Variants in SLC35D2 observed in about 807,000 individuals in gnomAD.
The protein encoded by SLC35D2 is solute carrier family 35 member D2.
Under a neutral mutation model 41.8 loss-of-function variants are expected in SLC35D2, and 43 were observed. The observed-to-expected ratio is 1.03, with a 90% CI of 0.81 to 1.33. The LOEUF is 1.33. SLC35D2 is among the 40% of genes most tolerant of loss of function. The pLI, the probability that SLC35D2 is intolerant of heterozygous loss-of-function variation, is 0.00. For missense variants in SLC35D2, 380 were observed against 408.4 expected (o/e 0.93, Z 0.60); for synonymous variants, 150 against 163.9 (o/e 0.92, Z 0.65).
rs561654342 is a variant in SLC35D2 at position 96,350,031 on chromosome 9, G to A, written c.488+1072C>T. Among the ~76,000 whole-genome samples, 3 of 152,282 alleles carry A rather than the reference G, an allele frequency of 2.0e-5. No homozygotes were observed. The East Asian group carries it at 5.8e-4, about 29-fold the overall frequency. On this transcript the variant is annotated intron_variant, in intron 6 of 11. Transcript: ENST00000253270. Reference sequence around the variant, plus strand: ...CCCTATACCTGCGGTGTGAATTGGAGCACTGAGACCCCAGAGCCAGCTTTC... The same window carrying A: ...CCCTATACCTGCGGTGTGAATTGGAACACTGAGACCCCAGAGCCAGCTTTC...
intron 10 of SLC35D2, among the ~76,000 whole-genome samples, chr9:96,323,665 G>A (rs10820362): frequency 0.043 from 6,607 of 152,160 alleles, 202 homozygotes; most frequent in Non-Finnish European, 0.066. Context: ...GGTGGCTCAC[G>A]CCTGTAATCC....
chr9:96,318,368 G>T (rs1828108244), downstream of SLC35D2, among the ~76,000 whole-genome samples: 1 of 150,924 alleles, frequency 6.6e-6, no homozygotes, highest in African/African-American at 2.4e-5. Flanking sequence ...TGAGGTGGGA[G>T]GATCGCTTGA....
At chr9:96,343,542 CAAAT>C (rs1774777793) in intron 8 of SLC35D2, among the ~76,000 whole-genome samples, 1 of 152,182 alleles carries the variant, frequency 6.6e-6, no homozygotes, top group Admixed American at 6.5e-5. Flanking sequence ...TAGAAAGTAA[CAAAT>C]AAATAAACAA....
At chr9:96,346,436 C>G (rs1476010997) in intron 6 of SLC35D2, among the ~76,000 whole-genome samples, 1 of 152,092 alleles carries the variant, frequency 6.6e-6, no homozygotes, top group African/African-American at 2.4e-5. Flanking sequence ...CAGGGCCGAC[C>G]CTCCGTCCAG....
At chr9:96,382,781 TG>T (rs1007324469) in intron 1 of SLC35D2, among the ~76,000 whole-genome samples, 7 of 152,118 alleles carry the variant, frequency 4.6e-5, no homozygotes, top group Non-Finnish European at 8.8e-5. Flanking sequence ...TGCAGAGCCC[TG>T]GAGGGTAATT....
intron 9 of SLC35D2, among the ~76,000 whole-genome samples, chr9:96,333,541 G>T (rs1367894633): frequency 6.8e-6 from 1 of 148,132 alleles, no homozygotes; most frequent in African/African-American, 2.5e-5. Context: ...CGTGCAGTGA[G>T]CCAAGATCGC....
At chr9:96,340,448 C>G (rs1191144841) in intron 8 of SLC35D2, among the ~76,000 whole-genome samples, 1 of 151,672 alleles carries the variant, frequency 6.6e-6, no homozygotes, top group Non-Finnish European at 1.5e-5. Flanking sequence ...GAAACCCTAT[C>G]TTTACTAAAA....
intron 4 of SLC35D2, among the ~76,000 whole-genome samples, chr9:96,358,592 T>C (rs897399872): frequency 6.6e-6 from 1 of 152,182 alleles, no homozygotes; most frequent in Non-Finnish European, 1.5e-5. Flanking sequence ...CCCTTCCTGG[T>C]CACTATTGAA....
chr9:96,323,503 A>T (rs755429318), intron 10 of SLC35D2, among the ~76,000 whole-genome samples: 4 of 152,116 alleles, frequency 2.6e-5, no homozygotes, highest in Non-Finnish European at 5.9e-5. Context: ...GACTGATTTT[A>T]TTCTTTTTAG....
At chr9:96,339,930 C>A (rs955737909) in intron 8 of SLC35D2, among the ~76,000 whole-genome samples, 2 of 152,192 alleles carry the variant, frequency 1.3e-5, no homozygotes, top group African/African-American at 4.8e-5. Context: ...TCTTCTCCAT[C>A]GCTCCTAGTC....
chr9:96,336,027 G>C (rs1220149463), intron 9 of SLC35D2, among the ~76,000 whole-genome samples: 1 of 142,120 alleles, frequency 7.0e-6, no homozygotes, highest in African/African-American at 2.7e-5. Flanking sequence ...TCTAGCCTGG[G>C]CAACAAAGCA....
chr9:96,376,372 CAAG>C (rs1032428909), intron 1 of SLC35D2, among the ~76,000 whole-genome samples: 5 of 149,456 alleles, frequency 3.3e-5, no homozygotes, highest in African/African-American at 7.4e-5. Context: ...TTTGGGAGGC[CAAG>C]GAGGGTGGAT....
Position 96,324,130 on chromosome 9 carries a change from G to GT in SLC35D2, c.791dup (p.Tyr264Ter), listed in dbSNP as rs1252581005. 2 of 1,613,870 alleles carry GT rather than the reference G, an allele frequency of 1.2e-6. No individual in the cohort carries two copies. The highest frequency in any genetic ancestry group is 1.7e-6 in the Non-Finnish European group (2 of 1,179,930). ...CCACTGCTGTCGTCAGGGCTGAATT[G>GT]TAATAGCTGCACAGAACCGTGGAGT... ...LMYSTVLCSY[Y>*]NSALTTAVVG... Residue 264 changes from tyrosine (Y) to a stop codon, truncating the protein, a stop_gained and frameshift_variant, in exon 10 of 12, where the codon TAC becomes TAAC. Transcript: ENST00000253270. LOFTEE classifies it high-confidence loss of function.
intron 4 of SLC35D2, among the ~76,000 whole-genome samples, chr9:96,359,722 A>G (rs990030480): frequency 2.0e-5 from 3 of 152,116 alleles, no homozygotes; most frequent in African/African-American, 7.2e-5. Context: ...ATGCAGATGC[A>G]AATTTCAGAA....
At chr9:96,359,927 T>G (rs1830190798) in intron 4 of SLC35D2, among the ~76,000 whole-genome samples, 1 of 152,206 alleles carries the variant, frequency 6.6e-6, no homozygotes, top group African/African-American at 2.4e-5. Context: ...AGCTCTCAGA[T>G]TCTATGTTCA....
At chr9:96,362,851 T>G (rs2130983548) in intron 3 of SLC35D2, among the ~76,000 whole-genome samples, 1 of 151,944 alleles carries the variant, frequency 6.6e-6, no homozygotes, top group Non-Finnish European at 1.5e-5. Flanking sequence ...TTTTCTCTTT[T>G]TCTGGATGTC....
intron 2 of SLC35D2, among the ~76,000 whole-genome samples, chr9:96,367,242 A>G (rs1587713489): frequency 6.6e-6 from 1 of 151,398 alleles, no homozygotes; most frequent in Middle Eastern, 3.4e-3. Flanking sequence ...AAAAAAAAGA[A>G]TAATGTTTAC....
chr9:96,381,647 A>G lies in SLC35D2; in HGVS notation c.158+1830T>C, dbSNP rs140277606. 5.0e-3 allele frequency among the ~76,000 whole-genome samples: 762 copies of G among 152,192 alleles called. 4 individuals are homozygous for G. Among genetic ancestry groups the G allele is most frequent in the Admixed American group, 8.1e-3 (124 of 15,288 alleles). Reference sequence around the variant, plus strand: ...GACATAATGTAAATGTTACTGGCTCATTTATTGGTCCACAAGGATGCAGCT... The same window carrying G: ...GACATAATGTAAATGTTACTGGCTCGTTTATTGGTCCACAAGGATGCAGCT... On this transcript the variant is annotated intron_variant, in intron 1 of 11. Coordinates refer to ENST00000253270, the MANE Select transcript of SLC35D2 (RefSeq NM_007001.3).
At chr9:96,319,123 C>T (rs2130818594), downstream of SLC35D2, among the ~76,000 whole-genome samples, 1 of 152,290 alleles carries the variant, frequency 6.6e-6, no homozygotes, top group Admixed American at 6.5e-5. Context: ...GCCGAGTGTC[C>T]ATCAGCAGAT....
Sources: gnomAD v4.1 joint callset for allele counts (sites outside exome capture counted in the v4.1 genomes callset) on GRCh38, gnomAD v4.1.1 for gene constraint, MANE v1.5 for transcripts, NCBI Gene and HGNC (gene_info 2026-07-23, HGNC 2026-07-21) for gene names.